AKAP13: variants seen among roughly 807,000 people sequenced by gnomAD.
AKAP13 encodes the protein A-kinase anchoring protein 13.
In AKAP13, 80 loss-of-function variants were observed where a neutral mutation model predicts 264.5. That is an observed-to-expected ratio of 0.30 (90% confidence interval 0.25 to 0.36). AKAP13 has a LOEUF of 0.36. Among genes scored for constraint, AKAP13 ranks in the 10% least tolerant of loss-of-function variants. The pLI, the probability that AKAP13 is intolerant of heterozygous loss-of-function variation, is 1.00. For missense variants in AKAP13, 3,712 were observed against 3,435.2 expected (o/e 1.08, Z -2.01); for synonymous variants, 1,380 against 1,250.2 (o/e 1.10, Z -2.19).
chr15:85,631,496 T>TCACACACACACA (rs1179138065), intron 8 of AKAP13, among the ~76,000 whole-genome samples: 1 of 64,662 alleles, frequency 1.5e-5, no homozygotes, highest in African/African-American at 5.3e-5. Flanking sequence ...TCTCTCTCTC[T>TCACACACACACA]CTCTCTCACA....
rs1347056597 is a variant in AKAP13 at position 85,686,151 on chromosome 15, GTGTGTGTGTGTGTGTA to G, written c.5289+1291_5289+1306del. On this transcript the variant is annotated intron_variant, in intron 16 of 36. Coordinates refer to ENST00000394518, the MANE Select transcript of AKAP13 (RefSeq NM_007200.5). ...GAACTCTTGCAAGGAATCACTGTGT[GTGTGTGTGTGTGTGTA>G]TGTGTGTGTGTGCACGTGCATGCAT... Among the ~76,000 whole-genome samples the G allele has an allele frequency of 2.2e-5, 3 of 138,992 alleles. No individual in the cohort carries two copies. The Admixed American group carries it at 2.3e-4, about 10-fold the overall frequency. The allele number at this position is 138,992 out of a possible 152,430, so 91.2% of individuals were successfully genotyped here.
At chr15:85,627,532 T>C (rs530956542) in intron 8 of AKAP13, 2 of 152,338 alleles carry the variant, frequency 1.3e-5, no homozygotes, top group East Asian at 3.9e-4. Context: ...TCTAGAGTTA[T>C]TGGCCAAGTA....
chr15:85,458,080 C>T (rs977459799), intron 1 of AKAP13, among the ~76,000 whole-genome samples: 13 of 148,904 alleles, frequency 8.7e-5, no homozygotes, highest in African/African-American at 3.3e-4. Context: ...GCAGAGGTTG[C>T]AGTGAGCCGA....
At chr15:85,415,220 A>G in intron 1 of AKAP13, 1 of 1,542,420 alleles carries the variant, frequency 6.5e-7, no homozygotes, top group Non-Finnish European at 8.8e-7. Context: ...GCTCGCCCGC[A>G]CCCCTCATGG....
Position 85,741,410 on chromosome 15 carries a change from A to G in AKAP13, c.7973A>G (p.Gln2658Arg), listed in dbSNP as rs141587830. 3.3e-4 allele frequency: 525 copies of G among 1,613,470 alleles called. 1 individual carries two copies. The highest frequency in any genetic ancestry group is 3.4e-4 in the Non-Finnish European group (402 of 1,179,602). Residue 2658 changes from glutamine (Q) to arginine (R), a missense_variant, in exon 35 of 37, where the codon CAG becomes CGG. Coordinates refer to ENST00000394518, the MANE Select transcript of AKAP13 (RefSeq NM_007200.5). ...GACCTGGAGCGACTGCGTGCTGCCC[A>G]GAAACAGCTTGAGAGGGAACAGGAG... is the stretch of plus-strand genomic sequence containing the variant. ...QYDLERLRAA[Q>R]KQLEREQEQL...
intron 5 of AKAP13, among the ~76,000 whole-genome samples, chr15:85,551,791 G>A (rs1018124657): frequency 1.3e-5 from 2 of 152,214 alleles, no homozygotes; most frequent in Non-Finnish European, 2.9e-5. Flanking sequence ...AGAAAATACA[G>A]ACCTGGAGTA....
chr15:85,503,325 A>G (rs932709107), intron 2 of AKAP13, among the ~76,000 whole-genome samples: 1 of 152,216 alleles, frequency 6.6e-6, no homozygotes, highest in Non-Finnish European at 1.5e-5. Flanking sequence ...TTAAATACAC[A>G]GCTGGTAACA....
intron 3 of AKAP13, among the ~76,000 whole-genome samples, chr15:85,529,489 C>T (rs933677471): frequency 1.3e-5 from 2 of 152,182 alleles, no homozygotes; most frequent in Admixed American, 1.3e-4. Flanking sequence ...ACTAATGACC[C>T]TGTTGCAAAT....
intron 36 of AKAP13, chr15:85,744,221 G>A: frequency 3.4e-6 from 1 of 292,920 alleles, no homozygotes; most frequent in Non-Finnish European, 6.4e-6. Context: ...GAGAAGTGAG[G>A]AAACTGAGGC....
chr15:85,483,449 A>G (rs1028497335), intron 1 of AKAP13, among the ~76,000 whole-genome samples: 1 of 151,814 alleles, frequency 6.6e-6, no homozygotes, highest in African/African-American at 2.4e-5. Context: ...ACAAGGTGAA[A>G]CCCCGTCTCT....
intron 1 of AKAP13, among the ~76,000 whole-genome samples, chr15:85,476,407 A>G (rs1266206780): frequency 6.6e-6 from 1 of 152,226 alleles, no homozygotes; most frequent in Non-Finnish European, 1.5e-5. Context: ...CGACACAGTG[A>G]TGAGGATGTC....
intron 1 of AKAP13, among the ~76,000 whole-genome samples, chr15:85,436,605 A>T (rs1488631978): frequency 8.9e-5 from 13 of 145,852 alleles, no homozygotes; most frequent in Admixed American, 8.9e-4. Flanking sequence ...AACAGAAATT[A>T]TAACAAACTA....
Position 85,609,247 on chromosome 15 carries a change from C to G in AKAP13, c.4161+23424C>G, listed in dbSNP as rs539865607. Among the ~76,000 whole-genome samples, 3 of 152,302 alleles carry G rather than the reference C, an allele frequency of 2.0e-5. No homozygotes were observed. The South Asian group carries it at 6.2e-4, about 32-fold the overall frequency. ...CCTCTTATGACTCTTTACCCATTGACCAACCTCTCCCCATTCTCTTCTCCC... is the reference window on the plus strand; with the variant it reads ...CCTCTTATGACTCTTTACCCATTGAGCAACCTCTCCCCATTCTCTTCTCCC... On this transcript the variant is annotated intron_variant, in intron 8 of 36. Transcript: ENST00000394518.
At chr15:85,596,635 A>C (rs16942046) in intron 8 of AKAP13, among the ~76,000 whole-genome samples, 12,751 of 152,166 alleles carry the variant, frequency 0.084, 721 homozygotes, top group East Asian at 0.21. Flanking sequence ...GGGGTTATGG[A>C]GGTATAAAAA....
intron 3 of AKAP13, among the ~76,000 whole-genome samples, chr15:85,532,959 A>G (rs947310083): frequency 3.3e-5 from 5 of 152,238 alleles, no homozygotes; most frequent in Non-Finnish European, 7.3e-5. Context: ...TCCTCATTAC[A>G]TTAGTGGTTG....
intron 1 of AKAP13, among the ~76,000 whole-genome samples, chr15:85,451,304 A>G (rs1006301392): frequency 6.6e-6 from 1 of 152,122 alleles, no homozygotes; most frequent in African/African-American, 2.4e-5. Context: ...ACAGCATACC[A>G]TTGGGTCTTG....
intron 1 of AKAP13, among the ~76,000 whole-genome samples, chr15:85,465,951 T>C (rs2074722040): frequency 6.6e-6 from 1 of 150,384 alleles, no homozygotes; most frequent in South Asian, 2.1e-4. Flanking sequence ...ATGGTTGAAC[T>C]AGTTTACAGT....
chr15:85,636,443 G>A (rs2082073806), intron 8 of AKAP13, among the ~76,000 whole-genome samples: 1 of 152,182 alleles, frequency 6.6e-6, no homozygotes, highest in Non-Finnish European at 1.5e-5. Context: ...TAAAAGTGAT[G>A]AGAATGGACA....
At chr15:85,734,304 G>C (rs1255092111) in intron 30 of AKAP13, among the ~76,000 whole-genome samples, 1 of 152,112 alleles carries the variant, frequency 6.6e-6, no homozygotes, top group African/African-American at 2.4e-5. Flanking sequence ...TCATTTTTAT[G>C]TGAAATTAGT....
Sources: gnomAD v4.1 joint callset for allele counts (sites outside exome capture counted in the v4.1 genomes callset) on GRCh38, gnomAD v4.1.1 for gene constraint, MANE v1.5 for transcripts, NCBI Gene and HGNC (gene_info 2026-07-23, HGNC 2026-07-21) for gene names.